Variants in TBX1 observed in about 807,000 individuals in gnomAD.
The protein encoded by TBX1 is T-box transcription factor TBX1.
A neutral mutation model predicts 40.8 loss-of-function variants in TBX1; 16 were observed. The ratio of observed to expected loss-of-function variants is 0.39; its 90% CI spans 0.27 to 0.60. The LOEUF is 0.60. Ranked by LOEUF, TBX1 falls within the 20% of genes least tolerant of loss-of-function variation. TBX1 has a pLI of 0.51. For missense variants in TBX1, 755 were observed against 728.5 expected (o/e 1.04, Z -0.42); for synonymous variants, 403 against 336.8 (o/e 1.20, Z -2.15).
In TBX1 at chr22:19,779,464, C is replaced by G. The variant is rs41298010; in HGVS notation, c.*57C>G. Reference sequence around the variant, plus strand: ...TGTCGTGTTTCCCTTCACTTTGGTTCATGTTTGAAATTTCCAAAATTAAAA... The same window carrying G: ...TGTCGTGTTTCCCTTCACTTTGGTTGATGTTTGAAATTTCCAAAATTAAAA... On this transcript the variant is annotated 3_prime_UTR_variant, in exon 9 of 9. Transcript: ENST00000329705. The G allele has an allele frequency of 7.4e-4, 1,197 of 1,610,644 alleles. 6 individuals are homozygous for G. The African/African-American group carries it at 0.014, about 19-fold the overall frequency.
chr22:19,777,474 G>T (rs1042821929), intron 8 of TBX1, among the ~76,000 whole-genome samples: 1 of 152,108 alleles, frequency 6.6e-6, no homozygotes, highest in Non-Finnish European at 1.5e-5. Flanking sequence ...TGGACATTTG[G>T]GTTGGTTCCA....
At chr22:19,759,012 G>A (rs2145823316), upstream of TBX1, among the ~76,000 whole-genome samples, 1 of 152,348 alleles carries the variant, frequency 6.6e-6, no homozygotes, top group East Asian at 1.9e-4. Context: ...CAGGGAGGAG[G>A]TGGAGGCGGG....
intron 1 of TBX1, 102 bp from the exon 2 acceptor site, chr22:19,763,139 A>G (rs1018195082): frequency 1.1e-6 from 1 of 888,300 alleles, no homozygotes. Flanking sequence ...CAGCCCCCAG[A>G]GGCTGGAGGG....
chr22:19,770,826 A>T (rs1936977744), downstream of TBX1, among the ~76,000 whole-genome samples: 1 of 151,984 alleles, frequency 6.6e-6, no homozygotes, highest in African/African-American at 2.4e-5. Flanking sequence ...GTGGAGGGAG[A>T]GTGATGGGTG....
chr22:19,769,885 C>T (rs1465295986), downstream of TBX1, among the ~76,000 whole-genome samples: 1 of 152,264 alleles, frequency 6.6e-6, no homozygotes, highest in Admixed American at 6.5e-5. Flanking sequence ...GCCACCGGGC[C>T]TATGGTCATT....
At position 19,766,384 on chromosome 22, in the gene TBX1, C is replaced by G. The variant is rs1936844353; in HGVS notation, c.1037-5C>G. 1.5e-6 allele frequency: 2 copies of G among 1,328,808 alleles called. No individual in the cohort carries two copies. Among genetic ancestry groups the G allele is most frequent in the Non-Finnish European group, 9.6e-7 (1 of 1,039,438 alleles). The allele number at this position is 1,328,808 out of a possible 1,614,324, so 82.3% of individuals were successfully genotyped here. The stretch of plus-strand genomic sequence containing the variant: ...GCCGCGCTCACTCCTCGGCCCTCTC[C>G]GCAGACGCGGCTGAGGCCCGGCGAG... On this transcript the variant is annotated splice_polypyrimidine_tract_variant and splice_region_variant and intron_variant, in intron 6 of 6. Transcript: ENST00000649276.
At chr22:19,758,188 C>T (rs1339341749), upstream of TBX1, among the ~76,000 whole-genome samples, 1 of 152,198 alleles carries the variant, frequency 6.6e-6, no homozygotes, top group Non-Finnish European at 1.5e-5. Flanking sequence ...TCCTAAAAAC[C>T]CTGGGAGAGG....
chr22:19,769,897 G>T (rs1936959874), downstream of TBX1, among the ~76,000 whole-genome samples: 1 of 152,254 alleles, frequency 6.6e-6, no homozygotes, highest in African/African-American at 2.4e-5. Context: ...ATGGTCATTT[G>T]TCCTAGCTGC....
chr22:19,779,190 C>T, intron 8 of TBX1: 1 of 1,613,470 alleles, frequency 6.2e-7, no homozygotes, highest in Non-Finnish European at 8.5e-7. Context: ...GGTACTTCAT[C>T]CACTCTCATT....
Position 19,767,239 on chromosome 22 carries a change from C to T in TBX1, c.*372C>T. 1.9e-6 allele frequency: 2 copies of T among 1,061,924 alleles called. No individual in the cohort carries two copies. The highest frequency in any genetic ancestry group is 2.3e-6 in the Non-Finnish European group (2 of 880,968). 65.8% of individuals were successfully genotyped at this position (1,061,924 alleles called of 1,614,324 possible). A position where few individuals can be genotyped will look rare whatever the true frequency, so the allele number is the denominator to read the frequency against. On this transcript the variant is annotated 3_prime_UTR_variant, in exon 7 of 7. Coordinates refer to ENST00000649276, the MANE Select transcript of TBX1 (RefSeq NM_001379200.1). Reference sequence around the variant, plus strand: ...AGTTGCAGTGTAGACAGCCCGAGAGCCCCGCCTGCAGGCGGTGTAGATACA... The same window carrying T: ...AGTTGCAGTGTAGACAGCCCGAGAGTCCCGCCTGCAGGCGGTGTAGATACA...
chr22:19,776,728 C>T (rs1476061887), intron 8 of TBX1, among the ~76,000 whole-genome samples: 4 of 152,238 alleles, frequency 2.6e-5, no homozygotes, highest in Non-Finnish European at 5.9e-5. Flanking sequence ...ACGTCCATGC[C>T]AGCCACCAAC....
At chr22:19,769,622 C>T (rs192453980), downstream of TBX1, among the ~76,000 whole-genome samples, 7 of 152,370 alleles carry the variant, frequency 4.6e-5, 1 homozygote, top group African/African-American at 1.7e-4. Flanking sequence ...GGCTGATGCC[C>T]CAGCCACTAC....
chr22:19,759,049 G>C (rs1247964999), upstream of TBX1, among the ~76,000 whole-genome samples: 1 of 152,200 alleles, frequency 6.6e-6, no homozygotes, highest in African/African-American at 2.4e-5. Context: ...GGCAGGGCTG[G>C]GCTCCGGCAG....
upstream of TBX1, among the ~76,000 whole-genome samples, chr22:19,758,683 C>A (rs1186253580): frequency 6.6e-6 from 1 of 152,104 alleles, no homozygotes; most frequent in Non-Finnish European, 1.5e-5. Flanking sequence ...GCCCTCCCTG[C>A]GCCCGGCCGG....
At chr22:19,766,090 C>G in intron 6 of TBX1, 88 bp downstream of exon 6, 3 of 1,165,110 alleles carry the variant, frequency 2.6e-6, no homozygotes, top group Non-Finnish European at 3.3e-6. Flanking sequence ...CCTGCGCCCC[C>G]GGGGCGCTCC....
At chr22:19,770,649 CA>C (rs1936974668), downstream of TBX1, among the ~76,000 whole-genome samples, 4 of 152,206 alleles carry the variant, frequency 2.6e-5, no homozygotes, top group South Asian at 8.3e-4. Context: ...CCCTGCGGCG[CA>C]CCCTCCAGCT....
chr22:19,763,477 C>T, intron 2 of TBX1, 135 bp downstream of exon 2: 2 of 743,514 alleles, frequency 2.7e-6, no homozygotes, highest in Non-Finnish European at 4.6e-6. Flanking sequence ...CCCGATCAAC[C>T]CGCTCCCTCC....
Position 19,761,073 on chromosome 22 carries a change from A to T in TBX1, c.230A>T (p.His77Leu). 2.1e-6 allele frequency: 2 copies of T among 948,404 alleles called. No individual in the cohort carries two copies. Among genetic ancestry groups the T allele is most frequent in the Non-Finnish European group, 2.5e-6 (2 of 787,324 alleles). The allele number at this position is 948,404 out of a possible 1,614,324, so 58.7% of individuals were successfully genotyped here. The change falls in exon 1 of 7, where the codon CAC becomes CTC. Residue 77 changes from histidine (H) to leucine (L), a missense_variant. Transcript: ENST00000649276. ...PGAPGPPPPPHAYPFAPAAGA... is the reference protein window; with the variant it reads ...PGAPGPPPPPLAYPFAPAAGA... ...GCCCCGGGCCCGCCGCCGCCGCCGC[A>T]CGCCTACCCGTTTGCGCCGGCCGCC... is the stretch of plus-strand genomic sequence containing the variant.
At chr22:19,763,825 C>T (rs1047907416) in intron 2 of TBX1, 14 of 498,082 alleles carry the variant, frequency 2.8e-5, no homozygotes, top group Admixed American at 7.1e-5. Flanking sequence ...GCCTGAGGCC[C>T]GGCAAGGCCA....
Sources: gnomAD v4.1 joint callset for allele counts (sites outside exome capture counted in the v4.1 genomes callset) on GRCh38, gnomAD v4.1.1 for gene constraint, MANE v1.5 for transcripts, NCBI Gene and HGNC (gene_info 2026-07-23, HGNC 2026-07-21) for gene names.